Variants in MEMO1 observed in about 807,000 individuals in gnomAD.
The protein encoded by MEMO1 is mediator of cell motility 1, also known as protein MEMO1.
A neutral mutation model predicts 45.2 loss-of-function variants in MEMO1; 6 were observed. The ratio of observed to expected loss-of-function variants is 0.13; its 90% confidence interval spans 0.07 to 0.26. MEMO1 has a LOEUF of 0.26. MEMO1 is among the 10% of genes least tolerant of loss of function. The pLI, the probability that MEMO1 is intolerant of heterozygous loss-of-function variation, is 1.00. For missense variants in MEMO1, 184 were observed against 370.5 expected, an observed-to-expected ratio of 0.50 and a Z score of 4.13; for synonymous variants, 78 against 124.3, an observed-to-expected ratio of 0.63 and a Z score of 2.48.
chr2:32,010,014 G>A (rs1293729342), intron 2 of MEMO1, among the ~76,000 whole-genome samples, 173 bp downstream of exon 2: 1 of 149,118 alleles, frequency 6.7e-6, no homozygotes, highest in Non-Finnish European at 1.5e-5. Flanking sequence ...GGGTGGGGGA[G>A]GCGGCGAGGC....
chr2:31,947,495 C>G (rs529248292), intron 2 of MEMO1, among the ~76,000 whole-genome samples: 1 of 152,094 alleles, frequency 6.6e-6, no homozygotes, highest in Non-Finnish European at 1.5e-5. Flanking sequence ...TTTAGAAATA[C>G]GTGCTTTGAT....
At position 31,874,136 on chromosome 2, in the gene MEMO1, A is replaced by G. The variant is rs572335030; in HGVS notation, c.658-4184T>C. On this transcript the variant is annotated intron_variant, in intron 8 of 9. Coordinates refer to ENST00000404530, the MANE Select transcript of MEMO1 (RefSeq NM_001301833.4). ...ATTTTCAGATTATCCTTGCCGAATCATAATTTGCCAATGTCCATAATGAAA... is the reference window on the plus strand; with the variant it reads ...ATTTTCAGATTATCCTTGCCGAATCGTAATTTGCCAATGTCCATAATGAAA... 5.3e-5 allele frequency among the ~76,000 whole-genome samples: 8 copies of G among 152,296 alleles called. No individual in the cohort carries two copies. In the South Asian group the frequency reaches 1.7e-3, roughly 32 times the overall value.
At chr2:31,951,609 T>C (rs1025016751) in intron 2 of MEMO1, among the ~76,000 whole-genome samples, 2 of 152,004 alleles carry the variant, frequency 1.3e-5, no homozygotes, top group Non-Finnish European at 2.9e-5. Context: ...CTCGGCTCAC[T>C]GCAACCTCCA....
chr2:31,943,594 G>A (rs940968313), intron 2 of MEMO1, among the ~76,000 whole-genome samples: 1 of 152,132 alleles, frequency 6.6e-6, no homozygotes, highest in Non-Finnish European at 1.5e-5. Context: ...AACAAAATTT[G>A]CTTTTATCGA....
chr2:31,916,013 A>C (rs1013451299), intron 6 of MEMO1, among the ~76,000 whole-genome samples: 7 of 152,214 alleles, frequency 4.6e-5, no homozygotes, highest in Non-Finnish European at 1.0e-4. Flanking sequence ...CTAAGGGTCA[A>C]TATTAGGGAC....
At chr2:31,976,139 T>C (rs1188653308) in intron 2 of MEMO1, among the ~76,000 whole-genome samples, 1 of 152,148 alleles carries the variant, frequency 6.6e-6, no homozygotes, top group African/African-American at 2.4e-5. Context: ...AAAGATAAAG[T>C]ATCAAATGGG....
chr2:31,991,532 T>C (rs1433594619), intron 2 of MEMO1, among the ~76,000 whole-genome samples: 7 of 146,264 alleles, frequency 4.8e-5, no homozygotes, highest in African/African-American at 1.5e-4. Context: ...GATCGCCCCA[T>C]TGTACCCCAG....
intron 2 of MEMO1, among the ~76,000 whole-genome samples, chr2:31,996,904 A>T (rs1018397152): frequency 6.6e-6 from 1 of 152,178 alleles, no homozygotes; most frequent in East Asian, 1.9e-4. Flanking sequence ...CAGAGAACGC[A>T]TATTACTTTC....
intron 2 of MEMO1, among the ~76,000 whole-genome samples, chr2:31,970,840 C>A (rs564879505): frequency 2.0e-5 from 3 of 152,146 alleles, no homozygotes; most frequent in African/African-American, 7.2e-5. Context: ...CCCGTCTCTA[C>A]TAAAAATAGA....
chr2:31,879,474 T>G (rs1675036053), intron 8 of MEMO1, among the ~76,000 whole-genome samples: 1 of 152,206 alleles, frequency 6.6e-6, no homozygotes, highest in Non-Finnish European at 1.5e-5. Context: ...CATCCACTCC[T>G]CATACACCAA....
intron 2 of MEMO1, among the ~76,000 whole-genome samples, chr2:31,972,481 C>G (rs1669522225): frequency 6.6e-6 from 1 of 152,002 alleles, no homozygotes; most frequent in Non-Finnish European, 1.5e-5. Context: ...GAGGCCGAGG[C>G]AGGTGGATCA....
In MEMO1 at chr2:31,868,141, T is replaced by C. The variant is rs1188084611; in HGVS notation, c.*220A>G. 7.6e-6 allele frequency: 3 copies of C among 394,116 alleles called. No individual in the cohort carries two copies. The highest frequency in any genetic ancestry group is 1.3e-5 in the Non-Finnish European group (3 of 238,744). The allele number at this position is 394,116 out of a possible 1,614,324, so 24.4% of individuals were successfully genotyped here. A position where few individuals can be genotyped will look rare whatever the true frequency, so the allele number is the denominator to read the frequency against. On this transcript the variant is annotated 3_prime_UTR_variant, in exon 10 of 10. Coordinates refer to ENST00000404530, the MANE Select transcript of MEMO1 (RefSeq NM_001301833.4). Reference sequence around the variant, plus strand: ...GTCATCTTTTTTGATCAAAATATTTTGATGCCAGCCTTCCTTCCACTGCCC... The same window carrying C: ...GTCATCTTTTTTGATCAAAATATTTCGATGCCAGCCTTCCTTCCACTGCCC...
At chr2:31,950,925 T>C (rs954492195) in intron 2 of MEMO1, among the ~76,000 whole-genome samples, 2 of 152,246 alleles carry the variant, frequency 1.3e-5, no homozygotes, top group African/African-American at 2.4e-5. Flanking sequence ...AATCCTTGTT[T>C]TTCCATAGTA....
chr2:31,997,485 G>C lies in MEMO1; in HGVS notation c.61+12702C>G, dbSNP rs544749012. The stretch of plus-strand genomic sequence containing the variant: ...TAATGCTTAATCTGTATTCCTTACA[G>C]ATGTTGAACCATTTTCAACATCTCT... On this transcript the variant is annotated intron_variant, in intron 2 of 9. Transcript: ENST00000404530. Among the ~76,000 whole-genome samples, 79 of 152,258 alleles carry C rather than the reference G, an allele frequency of 5.2e-4. No individual in the cohort carries two copies. In the South Asian group the frequency reaches 0.016, roughly 30 times the overall value.
At chr2:32,002,313 A>C (rs13022518) in intron 2 of MEMO1, among the ~76,000 whole-genome samples, 18,367 of 148,154 alleles carry the variant, frequency 0.12, 1,229 homozygotes, top group Middle Eastern at 0.2. Flanking sequence ...ACATATATAC[A>C]TACACATATA....
chr2:31,914,744 A>C (rs1324068845), intron 6 of MEMO1, among the ~76,000 whole-genome samples: 1 of 152,156 alleles, frequency 6.6e-6, no homozygotes, highest in Non-Finnish European at 1.5e-5. Context: ...ACTTGAGACC[A>C]GGAGGTCAAG....
Position 31,996,493 on chromosome 2 carries a change from G to C in MEMO1, c.61+13694C>G, listed in dbSNP as rs150004973. Among the ~76,000 whole-genome samples the C allele has an allele frequency of 6.6e-3, 999 of 152,066 alleles. 11 individuals are homozygous for C. The highest frequency in any genetic ancestry group is 0.023 in the African/African-American group (955 of 41,478). On this transcript the variant is annotated intron_variant, in intron 2 of 9. Coordinates refer to ENST00000404530, the MANE Select transcript of MEMO1 (RefSeq NM_001301833.4). ...TGGCAGGCGGAGGTTGTAGTGAGCT[G>C]AGATCGTGCCACTGCACTCCAGCCT...
At chr2:31,947,303 C>T (rs528065541) in intron 2 of MEMO1, among the ~76,000 whole-genome samples, 9 of 152,182 alleles carry the variant, frequency 5.9e-5, no homozygotes, top group Non-Finnish European at 1.0e-4. Context: ...TTCCCAAGGA[C>T]GCTAAGGTAA....
chr2:31,891,359 A>G (rs1676947821), intron 7 of MEMO1, among the ~76,000 whole-genome samples: 1 of 152,146 alleles, frequency 6.6e-6, no homozygotes, highest in Admixed American at 6.6e-5. Context: ...GGCATCCACA[A>G]ACAGCTCACT....
Sources: gnomAD v4.1 joint callset for allele counts (sites outside exome capture counted in the v4.1 genomes callset) on GRCh38, gnomAD v4.1.1 for gene constraint, MANE v1.5 for transcripts, NCBI Gene and HGNC (gene_info 2026-07-23, HGNC 2026-07-21) for gene names.